The following HMCN1 variants were observed in gnomAD, a reference collection of about 807,000 sequenced individuals.
HMCN1 encodes the protein hemicentin 1.
Under a neutral mutation model 625.9 loss-of-function variants are expected in HMCN1, and 321 were observed. The ratio of observed to expected loss-of-function variants is 0.51; its 90% CI spans 0.47 to 0.56. HMCN1 has a LOEUF of 0.56. Ranked by LOEUF, HMCN1 falls within the 20% of genes least tolerant of loss-of-function variation. The pLI, the probability that HMCN1 is intolerant of heterozygous loss-of-function variation, is 0.00. For missense variants in HMCN1, 6,588 were observed against 6,887.3 expected (o/e 0.96, Z 1.54); for synonymous variants, 2,425 against 2,417.6 (o/e 1.00, Z -0.09).
chr1:186,043,408 T>C (rs1288432351), intron 40 of HMCN1, among the ~76,000 whole-genome samples: 6 of 152,184 alleles, frequency 3.9e-5, no homozygotes, highest in Non-Finnish European at 8.8e-5. Context: ...TTTTTGTCCC[T>C]TAAACAAATA....
Position 186,095,379 on chromosome 1 carries a change from G to T in HMCN1, c.10431G>T (p.Gly3477=). 6.2e-7 allele frequency: 1 copy of T among 1,613,748 alleles called. No individual in the cohort carries two copies. The highest frequency in any genetic ancestry group is 8.5e-7 in the Non-Finnish European group (1 of 1,179,866). ...GGCTTAGAGATGGCCAGCCTCTGGG[G>T]CTTGATGCCCATCTGACAGTCAGCA... is the stretch of plus-strand genomic sequence containing the variant. ...MAWLRDGQPL[G]LDAHLTVSTH... is the part of the protein sequence containing the mutation. Residue 3477 remains glycine (G), a synonymous_variant, in exon 68 of 107, where the codon GGG becomes GGT. Transcript: ENST00000271588.
intron 1 of HMCN1, among the ~76,000 whole-genome samples, chr1:185,793,426 G>A (rs1018075676): frequency 1.3e-5 from 2 of 152,062 alleles, no homozygotes; most frequent in Non-Finnish European, 2.9e-5. Context: ...CCTCCCTCTT[G>A]TAAGGTCTCT....
chr1:186,160,553 C>T (rs1485803435), intron 97 of HMCN1, among the ~76,000 whole-genome samples: 1 of 151,722 alleles, frequency 6.6e-6, no homozygotes, highest in Non-Finnish European at 1.5e-5. Flanking sequence ...CTCTTGTGGG[C>T]ATTTAGTGCT....
rs375398110 is a variant in HMCN1, at chr1:186,017,088, G to A, written c.5300+17G>A. 21 of 1,352,062 alleles carry A rather than the reference G, an allele frequency of 1.6e-5. No homozygotes were observed. The highest frequency in any genetic ancestry group is 2.2e-5 in the Non-Finnish European group (21 of 941,362). 83.8% of individuals were successfully genotyped at this position (1,352,062 alleles called of 1,614,324 possible). On this transcript the variant is annotated intron_variant, in intron 33 of 106. Coordinates refer to ENST00000271588, the MANE Select transcript of HMCN1 (RefSeq NM_031935.3). ...AACTATCATGTAAGGGTTTTGGTAT[G>A]TCTTCTAAATACCTCCTGCTTTTTG...
intron 81 of HMCN1, among the ~76,000 whole-genome samples, chr1:186,123,449 G>T (rs1661495717): frequency 6.6e-6 from 1 of 152,040 alleles, no homozygotes; most frequent in Non-Finnish European, 1.5e-5. Context: ...TATTAATATT[G>T]CCAGGATTTT....
At chr1:186,000,019 T>C (rs553609141) in intron 25 of HMCN1, 26 bp from the exon 26 acceptor site, 10 of 1,524,958 alleles carry the variant, frequency 6.6e-6, no homozygotes, top group East Asian at 2.3e-5. Flanking sequence ...TTGTAAAATA[T>C]CACAAGACTT....
In HMCN1 at chr1:186,019,757, A is replaced by G. The variant is rs966611250; in HGVS notation, c.5625+62A>G. ...CTACATATATCTTCCTGGAAATATC[A>G]AGTTATTCTTTCTTAACTGTAGATT... On this transcript the variant is annotated intron_variant, in intron 35 of 106. Coordinates refer to ENST00000271588, the MANE Select transcript of HMCN1 (RefSeq NM_031935.3). The G allele has an allele frequency of 1.6e-4, 220 of 1,394,244 alleles. 1 individual carries two copies. Among genetic ancestry groups the G allele is most frequent in the Non-Finnish European group, 2.8e-5 (28 of 1,002,170 alleles). The allele number at this position is 1,394,244 out of a possible 1,614,324, so 86.4% of individuals were successfully genotyped here.
intron 4 of HMCN1, among the ~76,000 whole-genome samples, chr1:185,906,058 T>G (rs917593004): frequency 3.3e-5 from 5 of 151,810 alleles, no homozygotes; most frequent in African/African-American, 1.2e-4. Context: ...AGTTTTATTC[T>G]TTTTTCTTTA....
At chr1:186,038,636 C>T (rs149321359) in intron 37 of HMCN1, among the ~76,000 whole-genome samples, 193 bp from the exon 38 acceptor site, 69 of 152,042 alleles carry the variant, frequency 4.5e-4, no homozygotes, top group African/African-American at 1.5e-3. Flanking sequence ...CAGGACTCAC[C>T]GACTTGGATC....
chr1:185,952,222 G>A (rs1037669243), intron 11 of HMCN1, among the ~76,000 whole-genome samples: 2 of 151,840 alleles, frequency 1.3e-5, no homozygotes, highest in Non-Finnish European at 2.9e-5. Flanking sequence ...CTGGGCAGGA[G>A]GGGGAGGGCT....
At chr1:185,995,988 C>G (rs549418027) in intron 24 of HMCN1, among the ~76,000 whole-genome samples, 1 of 152,086 alleles carries the variant, frequency 6.6e-6, no homozygotes, top group Non-Finnish European at 1.5e-5. Context: ...ACTAAGGTAC[C>G]TGGCCCATTG....
intron 18 of HMCN1, among the ~76,000 whole-genome samples, chr1:185,982,999 C>T (rs1213346011): frequency 6.6e-6 from 1 of 151,880 alleles, no homozygotes; most frequent in Non-Finnish European, 1.5e-5. Flanking sequence ...TTGTTATTTT[C>T]ATAGTACTTA....
chr1:186,094,971 G>A (rs1021569553), intron 67 of HMCN1, among the ~76,000 whole-genome samples: 4 of 152,130 alleles, frequency 2.6e-5, no homozygotes, highest in Admixed American at 1.3e-4. Flanking sequence ...AAGGGATAGA[G>A]TGAAGAAGTT....
At chr1:186,044,025 G>A (rs1656384629) in intron 40 of HMCN1, among the ~76,000 whole-genome samples, 1 of 152,118 alleles carries the variant, frequency 6.6e-6, no homozygotes, top group South Asian at 2.1e-4. Context: ...AGTTTGCAGT[G>A]AGCCGAGATC....
chr1:186,044,761 G>A (rs1397597045), intron 40 of HMCN1, among the ~76,000 whole-genome samples: 1 of 152,028 alleles, frequency 6.6e-6, no homozygotes, highest in Non-Finnish European at 1.5e-5. Context: ...AGTGTAACAG[G>A]CTCAATTTCA....
At chr1:186,082,023 A>T (rs1659196590) in intron 56 of HMCN1, among the ~76,000 whole-genome samples, 2 of 152,172 alleles carry the variant, frequency 1.3e-5, no homozygotes, top group South Asian at 2.1e-4. Context: ...GGAATTCCTT[A>T]TTCAAAAGAG....
chr1:186,103,106 CA>C (rs550669636), intron 68 of HMCN1, among the ~76,000 whole-genome samples: 11 of 151,850 alleles, frequency 7.2e-5, no homozygotes, highest in African/African-American at 2.7e-4. Context: ...TTTAAAGATA[CA>C]AAAACATAAT....
chr1:186,094,400 A>G (rs757759062), intron 67 of HMCN1, 27 bp downstream of exon 67: 1 of 1,518,162 alleles, frequency 6.6e-7, no homozygotes, highest in Non-Finnish European at 9.1e-7. Context: ...TGACCCTATT[A>G]CTTTGCTATG....
chr1:186,026,850 G>T (rs1242818909), intron 36 of HMCN1, among the ~76,000 whole-genome samples: 1 of 151,914 alleles, frequency 6.6e-6, no homozygotes, highest in Non-Finnish European at 1.5e-5. Flanking sequence ...GCCCAGGCTG[G>T]TCTTGAACTC....
Sources: gnomAD v4.1 joint callset for allele counts (sites outside exome capture counted in the v4.1 genomes callset) on GRCh38, gnomAD v4.1.1 for gene constraint, MANE v1.5 for transcripts, NCBI Gene and HGNC (gene_info 2026-07-23, HGNC 2026-07-21) for gene names.